The following PRKAR2A variants were observed in gnomAD, a reference collection of about 807,000 sequenced individuals.
The protein encoded by PRKAR2A is cAMP-dependent protein kinase type II-alpha regulatory subunit.
Under a neutral mutation model 51.9 loss-of-function variants are expected in PRKAR2A, and 29 were observed. That is an observed-to-expected ratio of 0.56 (90% CI 0.42 to 0.76). PRKAR2A has a LOEUF of 0.76. Among genes scored for constraint, PRKAR2A ranks in the 30% least tolerant of loss-of-function variants. The pLI is 0.00. For synonymous variants in PRKAR2A, 178 were observed against 186.2 expected, an observed-to-expected ratio of 0.96 and a Z score of 0.36; for missense variants, 445 against 512.1, an observed-to-expected ratio of 0.87 and a Z score of 1.26.
chr3:48,800,591 T>G lies in PRKAR2A; in HGVS notation c.299-6542A>C, dbSNP rs146016766. On this transcript the variant is annotated intron_variant, in intron 2 of 10. Transcript: ENST00000265563. ...ACATAAGAAAGCCGCATTTAAGGAA[T>G]TCATGAACTCTTCATTTACTCTATC... is the stretch of plus-strand genomic sequence containing the variant. Among the ~76,000 whole-genome samples the G allele has an allele frequency of 9.7e-3, 1,470 of 152,092 alleles. 27 individuals are homozygous for G. Among genetic ancestry groups the G allele is most frequent in the South Asian group, 0.039 (187 of 4,824 alleles).
chr3:48,780,559 C>T (rs193108035), intron 5 of PRKAR2A, among the ~76,000 whole-genome samples: 2 of 146,848 alleles, frequency 1.4e-5, no homozygotes, highest in Non-Finnish European at 1.5e-5. Flanking sequence ...GCCAAGATCG[C>T]GCCACTGCAC....
At chr3:48,809,588 T>C (rs2082736667) in intron 1 of PRKAR2A, among the ~76,000 whole-genome samples, 1 of 81,162 alleles carries the variant, frequency 1.2e-5, no homozygotes, top group Non-Finnish European at 2.1e-5. Context: ...AGAGCAAGAC[T>C]CCATCTCAAA....
intron 1 of PRKAR2A, among the ~76,000 whole-genome samples, chr3:48,835,565 A>G (rs9681717): frequency 0.68 from 101,832 of 150,134 alleles, 35,030 homozygotes; most frequent in East Asian, 0.96. Flanking sequence ...GGTGTGACCC[A>G]GGAGGCAGAA....
chr3:48,847,657 ACT>A lies in PRKAR2A; in HGVS notation c.-63_-62del. On this transcript the variant is annotated 5_prime_UTR_variant, in exon 1 of 11. Transcript: ENST00000265563. The surrounding 1 kb of genome is among the most constrained non-coding windows in gnomAD (Gnocchi z 4.4). ...GCCGGCGGCCACTGTCTCCGCGCTC[ACT>A]CACGCCGGCCTTTCGCTCCGCGCCC... is the stretch of plus-strand genomic sequence containing the variant. 1 of 1,379,102 alleles carries A rather than the reference ACT, an allele frequency of 7.3e-7. No homozygotes were observed. Among genetic ancestry groups the A allele is most frequent in the Non-Finnish European group, 9.3e-7 (1 of 1,070,216 alleles). 85.4% of individuals were successfully genotyped at this position (1,379,102 alleles called of 1,614,324 possible). A position where few individuals can be genotyped will look rare whatever the true frequency, so the allele number is the denominator to read the frequency against.
intron 1 of PRKAR2A, among the ~76,000 whole-genome samples, chr3:48,822,269 C>T (rs912090434): frequency 6.6e-6 from 1 of 150,984 alleles, no homozygotes; most frequent in Non-Finnish European, 1.5e-5. Flanking sequence ...CTGCCTCAGA[C>T]CAGTTCTTCA....
intron 4 of PRKAR2A, among the ~76,000 whole-genome samples, chr3:48,786,118 G>A (rs931694109): frequency 6.8e-6 from 1 of 146,008 alleles, no homozygotes. Flanking sequence ...CAGTTTTTTG[G>A]TTTTTTTTTG....
intron 6 of PRKAR2A, among the ~76,000 whole-genome samples, chr3:48,767,295 A>G (rs1559607614): frequency 6.6e-6 from 1 of 151,786 alleles, no homozygotes; most frequent in Non-Finnish European, 1.5e-5. Flanking sequence ...CCTGGCCAAT[A>G]TGGTGAAACC....
chr3:48,766,802 G>C (rs1170536788), intron 6 of PRKAR2A, among the ~76,000 whole-genome samples: 3 of 152,132 alleles, frequency 2.0e-5, no homozygotes, highest in Admixed American at 1.3e-4. Context: ...CAAGATGGAA[G>C]GCAGGCATAT....
chr3:48,847,507 G>A lies in PRKAR2A; in HGVS notation c.90C>T (p.Val30=), dbSNP rs773087707. The A allele has an allele frequency of 2.6e-6, 4 of 1,558,746 alleles. No homozygotes were observed. The South Asian group carries it at 3.5e-5, about 14-fold the overall frequency. ...GGGTGAAGTACTCCACTGCGAATTC[G>A]ACGAGGTCAGGCGGCTGCTGTCGCA... ...EVLRQQPPDL[V]EFAVEYFTRL... The change falls in exon 1 of 11, where the codon GTC becomes GTT. Residue 30 remains valine, a synonymous_variant. Transcript: ENST00000265563. The surrounding 1 kb of genome is among the most constrained non-coding windows in gnomAD (Gnocchi z 4.4).
At chr3:48,797,164 T>C (rs1287319588) in intron 2 of PRKAR2A, among the ~76,000 whole-genome samples, 1 of 151,848 alleles carries the variant, frequency 6.6e-6, no homozygotes, top group African/African-American at 2.4e-5. Flanking sequence ...TTATTTTTAT[T>C]ATTATTATTA....
chr3:48,753,664 C>T (rs1310750217), intron 9 of PRKAR2A, among the ~76,000 whole-genome samples: 2 of 152,120 alleles, frequency 1.3e-5, no homozygotes, highest in African/African-American at 2.4e-5. Context: ...TCCCGTATTA[C>T]GCAGGTTTTC....
intron 4 of PRKAR2A, among the ~76,000 whole-genome samples, chr3:48,785,775 C>T (rs1377212258): frequency 6.6e-6 from 1 of 152,052 alleles, no homozygotes; most frequent in Non-Finnish European, 1.5e-5. Context: ...TGGCTCAGAA[C>T]AAAAGAAAAG....
intron 1 of PRKAR2A, among the ~76,000 whole-genome samples, chr3:48,811,193 A>T (rs1427609156): frequency 3.3e-5 from 5 of 152,042 alleles, no homozygotes; most frequent in Non-Finnish European, 7.4e-5. Flanking sequence ...AACTTTAAAA[A>T]TTAAAAAAAA....
At chr3:48,818,874 T>C (rs1431138238) in intron 1 of PRKAR2A, among the ~76,000 whole-genome samples, 1 of 152,252 alleles carries the variant, frequency 6.6e-6, no homozygotes, top group Non-Finnish European at 1.5e-5. Context: ...ACTGAGACAG[T>C]AAAATGTTAG....
At chr3:48,779,533 C>A (rs961857746) in intron 5 of PRKAR2A, among the ~76,000 whole-genome samples, 1 of 151,672 alleles carries the variant, frequency 6.6e-6, no homozygotes, top group Non-Finnish European at 1.5e-5. Flanking sequence ...GTAATCTCAG[C>A]ACTTTGGGAG....
At chr3:48,838,367 G>C (rs2083319157) in intron 1 of PRKAR2A, among the ~76,000 whole-genome samples, 1 of 152,228 alleles carries the variant, frequency 6.6e-6, no homozygotes. Flanking sequence ...AGCACTTTGG[G>C]AGGCCGTGGT....
rs529144582 is a variant in PRKAR2A at position 48,790,060 on chromosome 3, A to G, written c.435+484T>C. Among the ~76,000 whole-genome samples the G allele has an allele frequency of 2.0e-5, 3 of 151,994 alleles. No individual in the cohort carries two copies. In the East Asian group the frequency reaches 5.8e-4, roughly 29 times the overall value. On this transcript the variant is annotated intron_variant, in intron 4 of 10. Transcript: ENST00000265563. ...ATTGCTTCTCTTGTGCTTTGGGGCC[A>G]TTATTAAGTAAAATAAGGGTTACGT... is the stretch of plus-strand genomic sequence containing the variant.
intron 1 of PRKAR2A, among the ~76,000 whole-genome samples, chr3:48,824,746 A>T (rs1434398378): frequency 6.6e-6 from 1 of 151,950 alleles, no homozygotes; most frequent in Non-Finnish European, 1.5e-5. Context: ...CAGGAGTTTG[A>T]GACCAGCCTG....
chr3:48,847,006 T>G lies in PRKAR2A; in HGVS notation c.262+329A>C, dbSNP rs1018317759. On this transcript the variant is annotated intron_variant, in intron 1 of 10. Transcript: ENST00000265563. The surrounding 1 kb of genome is among the most constrained non-coding windows in gnomAD (Gnocchi z 4.4). ...AACACAAGTCACTGGATGAGAACGCTGTTGTCTTCGAAGCCAAAACTGGTG... is the reference window on the plus strand; with the variant it reads ...AACACAAGTCACTGGATGAGAACGCGGTTGTCTTCGAAGCCAAAACTGGTG... Among the ~76,000 whole-genome samples, 1 of 152,238 alleles carries G rather than the reference T, an allele frequency of 6.6e-6. No individual in the cohort carries two copies. Among genetic ancestry groups the G allele is most frequent in the African/African-American group, 2.4e-5 (1 of 41,464 alleles).
Sources: gnomAD v4.1 joint callset for allele counts (sites outside exome capture counted in the v4.1 genomes callset) on GRCh38, gnomAD v4.1.1 for gene constraint, Gnocchi (gnomAD v3.1) non-coding constraint, MANE v1.5 for transcripts, NCBI Gene and HGNC (gene_info 2026-07-23, HGNC 2026-07-21) for gene names.